Variants in OLFM2 observed in about 807,000 individuals in gnomAD.
The protein encoded by OLFM2 is noelin-2.
OLFM2 carries 20 observed loss-of-function variants against 43.9 expected under a neutral mutation model. The ratio of observed to expected loss-of-function variants is 0.46; its 90% CI spans 0.32 to 0.66. OLFM2 has a LOEUF of 0.66. OLFM2 is among the 30% of genes least tolerant of loss of function. The pLI is 0.04. For synonymous variants in OLFM2, 268 were observed against 278.6 expected (o/e 0.96, Z 0.38); for missense variants, 416 against 643.6 (o/e 0.65, Z 3.83).
rs1011889841 is a variant in OLFM2, at chr19:9,856,963, G to C, written c.581-50C>G. ...GAGGATGGGGAAATGAACAGCCCAA[G>C]AGAGGCCAGGCAAAGATGAAGTGCT... On this transcript the variant is annotated intron_variant, in intron 4 of 5. Coordinates refer to ENST00000264833, the MANE Select transcript of OLFM2 (RefSeq NM_058164.4). The surrounding 1 kb of genome is among the most constrained non-coding windows in gnomAD (Gnocchi z 4.0). 1 of 1,411,150 alleles carries C rather than the reference G, an allele frequency of 7.1e-7. No homozygotes were observed. The highest frequency in any genetic ancestry group is 9.8e-7 in the Non-Finnish European group (1 of 1,015,236). The allele number at this position is 1,411,150 out of a possible 1,614,324, so 87.4% of individuals were successfully genotyped here. A position where few individuals can be genotyped will look rare whatever the true frequency, so the allele number is the denominator to read the frequency against.
intron 1 of OLFM2, among the ~76,000 whole-genome samples, chr19:9,881,086 C>T (rs991390934): frequency 5.3e-5 from 8 of 152,130 alleles, no homozygotes; most frequent in African/African-American, 1.7e-4. Flanking sequence ...TTAGTAGAGA[C>T]GGGGTTTTGC....
intron 1 of OLFM2, among the ~76,000 whole-genome samples, chr19:9,914,773 G>A (rs540323453): frequency 1.2e-4 from 19 of 152,150 alleles, no homozygotes; most frequent in Admixed American, 5.9e-4. Context: ...GCCGCGGAGA[G>A]GAGCGCCGGG....
At chr19:9,868,602 A>G (rs1412752236) in intron 1 of OLFM2, among the ~76,000 whole-genome samples, 2 of 152,186 alleles carry the variant, frequency 1.3e-5, no homozygotes, top group African/African-American at 2.4e-5. Flanking sequence ...CTTTAAATTT[A>G]TCTTATTTTC....
At chr19:9,906,807 G>A (rs1288321256) in intron 1 of OLFM2, among the ~76,000 whole-genome samples, 6 of 152,032 alleles carry the variant, frequency 3.9e-5, no homozygotes, top group South Asian at 4.1e-4. Flanking sequence ...TCTCTGCAGC[G>A]GCAGGCAGCA....
intron 1 of OLFM2, among the ~76,000 whole-genome samples, chr19:9,898,561 G>T (rs1245211954): frequency 6.6e-6 from 1 of 151,804 alleles, no homozygotes; most frequent in Non-Finnish European, 1.5e-5. Context: ...ACTGGGTCTT[G>T]CTATGTTGCC....
intron 2 of OLFM2, among the ~76,000 whole-genome samples, chr19:9,859,424 CT>C (rs1389861714): frequency 6.6e-6 from 1 of 152,180 alleles, no homozygotes; most frequent in African/African-American, 2.4e-5. Flanking sequence ...TCAAGCAGTT[CT>C]CCTGCCTCAG....
At chr19:9,888,381 G>A (rs1016932736) in intron 1 of OLFM2, among the ~76,000 whole-genome samples, 3 of 151,892 alleles carry the variant, frequency 2.0e-5, no homozygotes, top group African/African-American at 2.4e-5. Context: ...AAAATTAGCC[G>A]GGTGTGGTGG....
intron 1 of OLFM2, among the ~76,000 whole-genome samples, chr19:9,896,189 G>T (rs937525936): frequency 2.9e-5 from 4 of 138,652 alleles, no homozygotes; most frequent in Non-Finnish European, 6.1e-5. Flanking sequence ...CAAGCTCCGC[G>T]TCCCGGGTTC....
chr19:9,929,936 G>A (rs1273483987), intron 1 of OLFM2, among the ~76,000 whole-genome samples: 1 of 152,184 alleles, frequency 6.6e-6, no homozygotes, highest in Admixed American at 6.6e-5. Flanking sequence ...CTACTCGGGA[G>A]GTTGAGGCAG....
intron 1 of OLFM2, among the ~76,000 whole-genome samples, chr19:9,923,575 GAAAA>G (rs1277470560): frequency 3.0e-5 from 3 of 101,498 alleles, no homozygotes; most frequent in East Asian, 2.6e-4. Flanking sequence ...AAAAAAGAAA[GAAAA>G]GAAAGAAAGA....
chr19:9,858,002 A>G, intron 2 of OLFM2, 141 bp from the exon 3 acceptor site: 1 of 1,032,880 alleles, frequency 9.7e-7, no homozygotes, highest in African/African-American at 1.6e-5. Context: ...TGAGCTTACC[A>G]GCAGCCTCCC....
intron 1 of OLFM2, chr19:9,913,357 G>T: frequency 2.2e-6 from 1 of 456,546 alleles, no homozygotes; most frequent in Non-Finnish European, 3.0e-6. Flanking sequence ...GGCGTGCCGG[G>T]CAGGGTCGTG....
At position 9,857,761 on chromosome 19, in the gene OLFM2, G is replaced by A. The variant is rs151090634; in HGVS notation, c.314C>T (p.Ala105Val). ...GGACCCATCAGCTGCCCGGAGCCGC[G>A]CATCCAGGCTCCGCATGAGGGTCTC... is the stretch of plus-strand genomic sequence containing the variant. ...GMETLMRSLD[A>V]RLRAADGSLS... The change falls in exon 3 of 6, where the codon GCG becomes GTG. Residue 105 changes from alanine to valine, a missense_variant. Coordinates refer to ENST00000264833, the MANE Select transcript of OLFM2 (RefSeq NM_058164.4). This position sits in a 1 kb window ranked among gnomAD's most constrained non-coding sequence, Gnocchi z 5.7. 2.1e-4 allele frequency: 338 copies of A among 1,614,114 alleles called. No individual in the cohort carries two copies. In the African/African-American group the frequency reaches 3.4e-3, roughly 16 times the overall value.
intron 1 of OLFM2, among the ~76,000 whole-genome samples, chr19:9,882,366 G>T (rs1227665108): frequency 6.7e-6 from 1 of 149,222 alleles, no homozygotes; most frequent in Non-Finnish European, 1.5e-5. Context: ...GTGAAACCCC[G>T]TCTCTACTAA....
At chr19:9,918,546 A>G (rs540394854) in intron 1 of OLFM2, among the ~76,000 whole-genome samples, 1 of 152,306 alleles carries the variant, frequency 6.6e-6, no homozygotes, top group East Asian at 1.9e-4. Flanking sequence ...AAACCAAAGC[A>G]TATGTCTATG....
intron 1 of OLFM2, among the ~76,000 whole-genome samples, chr19:9,919,262 G>A (rs2086404874): frequency 1.3e-5 from 2 of 151,236 alleles, no homozygotes; most frequent in South Asian, 2.1e-4. Context: ...CGCTTCCCAG[G>A]CTCATGCCAT....
chr19:9,929,004 C>T (rs2086468482), intron 1 of OLFM2, among the ~76,000 whole-genome samples: 1 of 150,522 alleles, frequency 6.6e-6, no homozygotes, highest in African/African-American at 2.4e-5. Flanking sequence ...ATTGCTTAAG[C>T]CCAGGAGTTC....
chr19:9,923,824 G>T (rs1056714016), intron 1 of OLFM2, among the ~76,000 whole-genome samples: 1 of 151,898 alleles, frequency 6.6e-6, no homozygotes, highest in African/African-American at 2.4e-5. Flanking sequence ...GTAGAGCTGG[G>T]CGTGGTGCCT....
intron 1 of OLFM2, among the ~76,000 whole-genome samples, chr19:9,883,267 AAC>A (rs1185666488): frequency 6.6e-6 from 1 of 151,838 alleles, no homozygotes; most frequent in Non-Finnish European, 1.5e-5. Flanking sequence ...GCCAGGGCAA[AAC>A]ACAGGCAAAA....
Sources: gnomAD v4.1 joint callset for allele counts (sites outside exome capture counted in the v4.1 genomes callset) on GRCh38, gnomAD v4.1.1 for gene constraint, Gnocchi (gnomAD v3.1) non-coding constraint, MANE v1.5 for transcripts, NCBI Gene and HGNC (gene_info 2026-07-23, HGNC 2026-07-21) for gene names.